The following NFATC2 variants were observed in gnomAD, a reference collection of about 807,000 sequenced individuals.
NFATC2 encodes the protein nuclear factor of activated T-cells, cytoplasmic 2.
A neutral mutation model predicts 87.3 loss-of-function variants in NFATC2; 22 were observed. The observed-to-expected ratio is 0.25, with a 90% CI of 0.18 to 0.36. NFATC2 has a LOEUF of 0.36. Among genes scored for constraint, NFATC2 ranks in the 10% least tolerant of loss-of-function variants. The pLI is 1.00. For synonymous variants in NFATC2, 565 were observed against 542.2 expected, an observed-to-expected ratio of 1.04 and a Z score of -0.58; for missense variants, 1,149 against 1,259.1, an observed-to-expected ratio of 0.91 and a Z score of 1.32.
At chr20:51,511,940 G>A (rs2076277878) in intron 3 of NFATC2, among the ~76,000 whole-genome samples, 1 of 152,076 alleles carries the variant, frequency 6.6e-6, no homozygotes, top group Admixed American at 6.5e-5. Flanking sequence ...GCACAGTTTG[G>A]GCCTGCCAAC....
At chr20:51,433,538 C>T (rs1054175789) in intron 8 of NFATC2, among the ~76,000 whole-genome samples, 4 of 152,196 alleles carry the variant, frequency 2.6e-5, no homozygotes, top group Non-Finnish European at 5.9e-5. Flanking sequence ...TTACTATGAT[C>T]ATCCATCATG....
At chr20:51,436,739 CAAATAAATAAGT>C (rs1198954056) in intron 6 of NFATC2, among the ~76,000 whole-genome samples, 31 of 138,416 alleles carry the variant, frequency 2.2e-4, no homozygotes, top group East Asian at 1.3e-3. Flanking sequence ...AACAAACAAA[CAAATAAATAAGT>C]AAATAAATAA....
At chr20:51,522,974 C>A (rs1244170376) in intron 2 of NFATC2, 107 bp downstream of exon 2, 25 of 1,434,196 alleles carry the variant, frequency 1.7e-5, no homozygotes, top group Non-Finnish European at 2.2e-5. Flanking sequence ...AGATTTAAAT[C>A]CATTTAAAGT....
At chr20:51,396,050 A>G (rs1174215227) in intron 10 of NFATC2, among the ~76,000 whole-genome samples, 18 of 8,026 alleles carry the variant, frequency 2.2e-3, no homozygotes, top group African/African-American at 4.5e-3. Context: ...ATATATATAT[A>G]TATATATATA....
At chr20:51,455,586 G>T (rs2146432339) in intron 5 of NFATC2, among the ~76,000 whole-genome samples, 1 of 149,794 alleles carries the variant, frequency 6.7e-6, no homozygotes, top group South Asian at 2.2e-4. Flanking sequence ...GCTTGTATTG[G>T]TTTATCTTCT....
intron 1 of NFATC2, among the ~76,000 whole-genome samples, chr20:51,538,394 A>T (rs2076754928): frequency 6.6e-6 from 1 of 152,246 alleles, no homozygotes; most frequent in African/African-American, 2.4e-5. Flanking sequence ...CTCGGGGGAA[A>T]AAAGAAAGAA....
At chr20:51,561,796 A>G (rs372666113) in intron 1 of NFATC2, among the ~76,000 whole-genome samples, 52 of 152,252 alleles carry the variant, frequency 3.4e-4, no homozygotes, top group African/African-American at 1.2e-3. Flanking sequence ...CCGATTCGTT[A>G]TTGTGGAGCC....
At chr20:51,471,145 T>A (rs1988164503) in intron 5 of NFATC2, among the ~76,000 whole-genome samples, 1 of 152,112 alleles carries the variant, frequency 6.6e-6, no homozygotes, top group South Asian at 2.1e-4. Flanking sequence ...TTGCTGGAGG[T>A]ACATGTGGTT....
chr20:51,542,432 C>T lies in NFATC2; in HGVS notation c.68G>A (p.Ser23Asn). 1 of 1,601,054 alleles carries T rather than the reference C, an allele frequency of 6.2e-7. No homozygotes were observed. Among genetic ancestry groups the T allele is most frequent in the Non-Finnish European group, 8.5e-7 (1 of 1,174,344 alleles). Reference sequence around the variant, plus strand: ...GGAGAAGTCAAGCTCGTCTTGGGGGCTGCCCCCAGGCTCGTGGCCTGGGGC... The same window carrying T: ...GGAGAAGTCAAGCTCGTCTTGGGGGTTGCCCCCAGGCTCGTGGCCTGGGGC... Reference protein sequence around the residue: ...GDAPGHEPGGSPQDELDFSIL... With the variant: ...GDAPGHEPGGNPQDELDFSIL... Residue 23 changes from serine (S) to asparagine (N), a missense_variant, in exon 1 of 11, where the codon AGC becomes AAC. Transcript: ENST00000371564.
At chr20:51,434,534 T>C (rs993075780) in intron 8 of NFATC2, among the ~76,000 whole-genome samples, 4 of 152,168 alleles carry the variant, frequency 2.6e-5, no homozygotes, top group Admixed American at 6.5e-5. Context: ...ATATCAATAA[T>C]ATCAACATTA....
chr20:51,460,764 C>T (rs533603927), intron 5 of NFATC2, among the ~76,000 whole-genome samples: 22 of 152,202 alleles, frequency 1.4e-4, no homozygotes, highest in Admixed American at 5.9e-4. Flanking sequence ...TGAGCCACTA[C>T]GCCTGGCCCA....
chr20:51,415,264 T>A (rs918347613), intron 9 of NFATC2, among the ~76,000 whole-genome samples: 3 of 116,330 alleles, frequency 2.6e-5, no homozygotes. Context: ...AAAAAAAAAA[T>A]TCTAAAAACA....
chr20:51,491,861 A>C (rs1306641604), intron 3 of NFATC2, among the ~76,000 whole-genome samples: 124 of 64,854 alleles, frequency 1.9e-3, no homozygotes, highest in South Asian at 2.5e-3. Context: ...CACCCCCACC[A>C]ACACACACAT....
chr20:51,518,925 T>C (rs2076397399), intron 2 of NFATC2, among the ~76,000 whole-genome samples: 1 of 152,146 alleles, frequency 6.6e-6, no homozygotes, highest in South Asian at 2.1e-4. Context: ...TTCAGCCTCC[T>C]GAGTAGCTGG....
chr20:51,484,804 T>A (rs575575076), intron 3 of NFATC2, among the ~76,000 whole-genome samples: 14 of 152,326 alleles, frequency 9.2e-5, no homozygotes, highest in African/African-American at 3.4e-4. Context: ...CCAGGTATGA[T>A]GAAGAAGGAG....
intron 3 of NFATC2, among the ~76,000 whole-genome samples, chr20:51,492,197 C>T (rs1366957044): frequency 6.6e-6 from 1 of 152,086 alleles, no homozygotes; most frequent in African/African-American, 2.4e-5. Context: ...ACACATCTTC[C>T]TGTCTAGACG....
intron 8 of NFATC2, among the ~76,000 whole-genome samples, chr20:51,434,371 A>G (rs544643342): frequency 2.0e-5 from 3 of 152,344 alleles, no homozygotes; most frequent in South Asian, 2.1e-4. Context: ...TAGGTTTCCA[A>G]TCTTGGAAGG....
chr20:51,397,746 C>T (rs541630056), intron 10 of NFATC2, among the ~76,000 whole-genome samples: 17 of 152,218 alleles, frequency 1.1e-4, no homozygotes, highest in African/African-American at 4.1e-4. Flanking sequence ...TCAGCAGGCC[C>T]CATCCTCTGG....
chr20:51,448,188 C>A (rs1278833174), intron 6 of NFATC2, among the ~76,000 whole-genome samples: 3 of 152,154 alleles, frequency 2.0e-5, no homozygotes, highest in Non-Finnish European at 4.4e-5. Flanking sequence ...TTCAACAGCG[C>A]TAAGTGCCCC....
Sources: gnomAD v4.1 joint callset for allele counts (sites outside exome capture counted in the v4.1 genomes callset) on GRCh38, gnomAD v4.1.1 for gene constraint, MANE v1.5 for transcripts, NCBI Gene and HGNC (gene_info 2026-07-23, HGNC 2026-07-21) for gene names.